The following PARD3 variants were observed in gnomAD, a reference collection of about 807,000 sequenced individuals.
PARD3 encodes the protein par-3 family cell polarity regulator.
In PARD3, 75 loss-of-function variants were observed where a neutral mutation model predicts 155.4. The observed-to-expected ratio is 0.48, with a 90% CI of 0.40 to 0.58. PARD3 has a LOEUF of 0.58. Among genes scored for constraint, PARD3 ranks in the 20% least tolerant of loss-of-function variants. PARD3 has a pLI of 0.00. For missense variants in PARD3, 1,642 were observed against 1,721.7 expected (o/e 0.95, Z 0.82); for synonymous variants, 576 against 610.5 (o/e 0.94, Z 0.83).
intron 20 of PARD3, among the ~76,000 whole-genome samples, chr10:34,294,340 T>C (rs988995666): frequency 6.6e-6 from 1 of 152,218 alleles, no homozygotes; most frequent in African/African-American, 2.4e-5. Context: ...CCTTCAAATA[T>C]TTTCTTACCC....
chr10:34,666,304 C>G (rs2093469983), intron 2 of PARD3, among the ~76,000 whole-genome samples: 1 of 151,920 alleles, frequency 6.6e-6, no homozygotes, highest in Non-Finnish European at 1.5e-5. Context: ...CATATTCATA[C>G]CATGCTGACT....
At chr10:34,172,500 A>G (rs1016900244) in intron 22 of PARD3, among the ~76,000 whole-genome samples, 2 of 152,164 alleles carry the variant, frequency 1.3e-5, no homozygotes, top group African/African-American at 4.8e-5. Flanking sequence ...TCTTCCATGT[A>G]ATGTGCACGT....
intron 5 of PARD3, among the ~76,000 whole-genome samples, 185 bp from the exon 6 acceptor site, chr10:34,402,102 G>A (rs1010771592): frequency 6.6e-6 from 1 of 152,046 alleles, no homozygotes; most frequent in Non-Finnish European, 1.5e-5. Flanking sequence ...GAAAACAAGA[G>A]TCTCATGAGA....
chr10:34,161,844 A>C (rs1949298579), intron 22 of PARD3, among the ~76,000 whole-genome samples: 1 of 152,084 alleles, frequency 6.6e-6, no homozygotes, highest in Non-Finnish European at 1.5e-5. Flanking sequence ...GTGCCCACTC[A>C]ATTCCATGGC....
chr10:34,400,750 T>G (rs1042599401), intron 6 of PARD3, among the ~76,000 whole-genome samples: 2 of 152,042 alleles, frequency 1.3e-5, no homozygotes, highest in Non-Finnish European at 2.9e-5. Context: ...TGTGCACAGA[T>G]TTAATCACAT....
At chr10:34,530,371 G>A (rs955758691) in intron 2 of PARD3, among the ~76,000 whole-genome samples, 2 of 152,126 alleles carry the variant, frequency 1.3e-5, no homozygotes, top group African/African-American at 2.4e-5. Context: ...TGAATAATCA[G>A]AACCCTTCTG....
chr10:34,351,812 G>A (rs767982857), intron 14 of PARD3, among the ~76,000 whole-genome samples: 2 of 152,232 alleles, frequency 1.3e-5, no homozygotes, highest in Non-Finnish European at 2.9e-5. Flanking sequence ...AAGAGAAACA[G>A]ACATTTTGCT....
In PARD3 at chr10:34,590,060, G is replaced by A. The variant is rs147382718; in HGVS notation, c.223-72901C>T. ...TATTTCCATGAAATGCCAATTGCCA[G>A]TCTCACTCTGGGTCTTCCTAACACG... On this transcript the variant is annotated intron_variant, in intron 2 of 24. Coordinates refer to ENST00000374788, the MANE Select transcript of PARD3 (RefSeq NM_001184785.2). Among the ~76,000 whole-genome samples, 1,032 of 152,188 alleles carry A rather than the reference G, an allele frequency of 6.8e-3. 10 individuals carry two copies. The highest frequency in any genetic ancestry group is 0.022 in the African/African-American group (931 of 41,500).
intron 5 of PARD3, among the ~76,000 whole-genome samples, chr10:34,433,774 A>G (rs981163193): frequency 6.6e-6 from 1 of 152,186 alleles, no homozygotes; most frequent in African/African-American, 2.4e-5. Context: ...AGAGAAGAAC[A>G]TTTCCAGATA....
At chr10:34,408,270 T>A (rs190270562) in intron 5 of PARD3, among the ~76,000 whole-genome samples, 1 of 152,210 alleles carries the variant, frequency 6.6e-6, no homozygotes, top group African/African-American at 2.4e-5. Flanking sequence ...CTGTCAAGTG[T>A]TTTTAAAAAA....
chr10:34,677,479 C>CA (rs978427726), intron 2 of PARD3, among the ~76,000 whole-genome samples: 553 of 109,338 alleles, frequency 5.1e-3, no homozygotes, highest in Middle Eastern at 0.014. Context: ...GACTCTGTCT[C>CA]AAAAAAAAAA....
intron 1 of PARD3, among the ~76,000 whole-genome samples, chr10:34,727,653 G>T (rs1007637323): frequency 1.3e-5 from 2 of 152,000 alleles, no homozygotes; most frequent in African/African-American, 4.8e-5. Context: ...AGCCTTTAAG[G>T]TTTTCTTTCT....
intron 2 of PARD3, among the ~76,000 whole-genome samples, chr10:34,539,591 G>A (rs2083459772): frequency 1.3e-5 from 2 of 152,100 alleles, no homozygotes; most frequent in Admixed American, 1.3e-4. Flanking sequence ...AACCTGGGAG[G>A]CAGAGGTTGC....
intron 1 of PARD3, among the ~76,000 whole-genome samples, chr10:34,770,262 T>C (rs574561815): frequency 3.3e-4 from 51 of 152,356 alleles, no homozygotes; most frequent in African/African-American, 1.2e-3. Flanking sequence ...TTCCTGGTTA[T>C]GGCCAATCCA....
At chr10:34,221,873 A>G (rs1240247889) in intron 22 of PARD3, among the ~76,000 whole-genome samples, 2 of 152,258 alleles carry the variant, frequency 1.3e-5, no homozygotes, top group African/African-American at 4.8e-5. Context: ...ACATGCATGT[A>G]TAAGCTATGA....
chr10:34,398,104 C>A (rs905610411), intron 7 of PARD3, among the ~76,000 whole-genome samples: 1 of 152,122 alleles, frequency 6.6e-6, no homozygotes, highest in Non-Finnish European at 1.5e-5. Flanking sequence ...CTTGAAAATT[C>A]AAGGTGAATG....
chr10:34,317,024 C>T (rs112851503), intron 20 of PARD3, 83 bp downstream of exon 20: 44 of 1,305,378 alleles, frequency 3.4e-5, no homozygotes, highest in African/African-American at 1.3e-4. Context: ...TGTGCACTAC[C>T]GTGTCCAGTT....
intron 2 of PARD3, among the ~76,000 whole-genome samples, chr10:34,680,389 T>C (rs1286418441): frequency 6.6e-6 from 1 of 151,900 alleles, no homozygotes; most frequent in Admixed American, 6.6e-5. Context: ...TGAAACCCCA[T>C]CTCTACTAAA....
At chr10:34,130,913 T>C (rs1439161602) in intron 23 of PARD3, among the ~76,000 whole-genome samples, 1 of 152,100 alleles carries the variant, frequency 6.6e-6, no homozygotes, top group Non-Finnish European at 1.5e-5. Context: ...ACTAAAAAAT[T>C]AGCCAGGTGT....
Sources: gnomAD v4.1 joint callset for allele counts (sites outside exome capture counted in the v4.1 genomes callset) on GRCh38, gnomAD v4.1.1 for gene constraint, MANE v1.5 for transcripts, NCBI Gene and HGNC (gene_info 2026-07-23, HGNC 2026-07-21) for gene names.